Variants in CPLANE1 observed in about 807,000 individuals in gnomAD.
The protein encoded by CPLANE1 is ciliogenesis and planar polarity effector complex subunit 1.
Under a neutral mutation model 362.5 loss-of-function variants are expected in CPLANE1, and 263 were observed. The observed-to-expected ratio is 0.73, with a 90% CI of 0.66 to 0.80. CPLANE1 has a LOEUF of 0.80. CPLANE1 is among the 30% of genes least tolerant of loss of function. CPLANE1 has a pLI of 0.00. For missense variants in CPLANE1, 3,461 were observed against 3,793.4 expected (o/e 0.91, Z 2.30); for synonymous variants, 1,212 against 1,302.6 (o/e 0.93, Z 1.50).
chr5:37,118,276 C>A (rs909117583), intron 50 of CPLANE1, among the ~76,000 whole-genome samples: 2 of 151,706 alleles, frequency 1.3e-5, no homozygotes, highest in African/African-American at 2.4e-5. Context: ...CATGGTGGCA[C>A]ACGCCTATAA....
At chr5:37,096,184 A>G in the CPLANE1 span, among the ~76,000 whole-genome samples, 1 of 152,212 alleles carries the variant, frequency 6.6e-6, no homozygotes, top group Non-Finnish European at 1.5e-5. Flanking sequence ...ACTATACTAT[A>G]AGGCCATAGC....
chr5:37,224,392 A>C, intron 13 of CPLANE1, 59 bp from the exon 14 acceptor site: 1 of 1,367,720 alleles, frequency 7.3e-7, no homozygotes, highest in Non-Finnish European at 1.0e-6. Context: ...ATAAAAATTT[A>C]CTTTGTTTTA....
chr5:37,114,173 G>A (rs896912475), intron 51 of CPLANE1, among the ~76,000 whole-genome samples: 1 of 152,128 alleles, frequency 6.6e-6, no homozygotes, highest in Non-Finnish European at 1.5e-5. Context: ...TTTCAATGGG[G>A]ATAACTGCAC....
intron 21 of CPLANE1, among the ~76,000 whole-genome samples, chr5:37,192,846 A>G (rs1402429945): frequency 8.4e-6 from 1 of 118,378 alleles, no homozygotes; most frequent in African/African-American, 3.4e-5. Context: ...ACAGAGCTAG[A>G]CTCCATCAAA....
intron 16 of CPLANE1, chr5:37,211,120 G>A: frequency 1.8e-6 from 2 of 1,090,816 alleles, no homozygotes; most frequent in Non-Finnish European, 2.8e-6. Context: ...GGTGAGATAA[G>A]TGGGGATTTC....
chr5:37,161,853 A>C (rs1776928578), intron 38 of CPLANE1, among the ~76,000 whole-genome samples: 1 of 152,248 alleles, frequency 6.6e-6, no homozygotes, highest in Non-Finnish European at 1.5e-5. Context: ...CAATGATTAC[A>C]TTTTTAAAAC....
chr5:37,232,615 T>C (rs1797960350), intron 8 of CPLANE1, among the ~76,000 whole-genome samples: 2 of 148,794 alleles, frequency 1.3e-5, no homozygotes, highest in Admixed American at 6.7e-5. Flanking sequence ...GGTGGGAGAA[T>C]TGCATAAGGT....
In CPLANE1 at chr5:37,245,656, T is replaced by TA. The variant is rs1054022527; in HGVS notation, c.217+53dup. 1.3e-5 allele frequency: 19 copies of TA among 1,481,764 alleles called. No homozygotes were observed. The African/African-American group carries it at 2.3e-4, about 18-fold the overall frequency. 91.8% of individuals were successfully genotyped at this position (1,481,764 alleles called of 1,614,324 possible). A position where few individuals can be genotyped will look rare whatever the true frequency, so the allele number is the denominator to read the frequency against. Reference sequence around the variant, plus strand: ...TCTAGTATTTCCTTTAACATCACCCTAAGTTATTAAAAAATATAGTTTTAG... The same window carrying TA: ...TCTAGTATTTCCTTTAACATCACCCTAAAGTTATTAAAAAATATAGTTTTAG... On this transcript the variant is annotated intron_variant, in intron 3 of 52. Coordinates refer to ENST00000651892, the MANE Select transcript of CPLANE1 (RefSeq NM_001384732.1).
chr5:37,179,499 C>G, intron 28 of CPLANE1, 56 bp from the exon 29 acceptor site: 1 of 1,107,704 alleles, frequency 9.0e-7, no homozygotes, highest in Non-Finnish European at 1.4e-6. Context: ...AAGCTATTGA[C>G]TTTTTAGGGG....
Position 37,198,719 on chromosome 5 carries a change from T to C in CPLANE1, c.3655A>G (p.Arg1219Gly), listed in dbSNP as rs748487179. The C allele has an allele frequency of 6.2e-7, 1 of 1,613,680 alleles. No individual in the cohort carries two copies. Among genetic ancestry groups the C allele is most frequent in the Non-Finnish European group, 8.5e-7 (1 of 1,179,846 alleles). ...QWYILQLRWA[R>G]KVMQKIRMKG... ...TTCCATACCTTCTGCATGACTTTTCTTGCCCACCTCAACTGCAATATATAC... is the reference window on the plus strand; with the variant it reads ...TTCCATACCTTCTGCATGACTTTTCCTGCCCACCTCAACTGCAATATATAC... Residue 1219 changes from arginine to glycine, a missense_variant, in exon 20 of 53, where the codon AGA becomes GGA. By Grantham distance (125) the Arg-to-Gly change is moderately radical (BLOSUM62 -2). Coordinates refer to ENST00000651892, the MANE Select transcript of CPLANE1 (RefSeq NM_001384732.1).
chr5:37,104,319 T>C (rs1430997945), downstream of CPLANE1, among the ~76,000 whole-genome samples: 1 of 152,132 alleles, frequency 6.6e-6, no homozygotes, highest in Non-Finnish European at 1.5e-5. Context: ...TGCTCCAGGA[T>C]AGGCGTGGTG....
chr5:37,224,445 C>T, intron 13 of CPLANE1, 87 bp downstream of exon 13: 1 of 1,300,262 alleles, frequency 7.7e-7, no homozygotes, highest in Non-Finnish European at 1.1e-6. Context: ...TTTTGAAAAA[C>T]AAATCATTAC....
chr5:37,118,800 G>A (rs1224099727), intron 50 of CPLANE1, among the ~76,000 whole-genome samples: 1 of 150,188 alleles, frequency 6.7e-6, no homozygotes, highest in Non-Finnish European at 1.5e-5. Context: ...TGCAACCTCC[G>A]CCTCCTGGGT....
chr5:37,160,984 T>G (rs1486149153), intron 38 of CPLANE1, among the ~76,000 whole-genome samples: 1 of 152,196 alleles, frequency 6.6e-6, no homozygotes, highest in Non-Finnish European at 1.5e-5. Flanking sequence ...AATTACTTTT[T>G]TTGACCTATC....
intron 41 of CPLANE1, among the ~76,000 whole-genome samples, chr5:37,155,316 T>C (rs1433876673): frequency 6.6e-6 from 1 of 152,224 alleles, no homozygotes; most frequent in Non-Finnish European, 1.5e-5. Flanking sequence ...CTCTTGCTAT[T>C]TCTTTAAACG....
chr5:37,079,401 AGTTT>A, the CPLANE1 span, among the ~76,000 whole-genome samples: 25 of 152,110 alleles, frequency 1.6e-4, no homozygotes, highest in African/African-American at 6.0e-4. Context: ...AATATTAATT[AGTTT>A]ATTTTTACTT....
chr5:37,084,869 C>T, the CPLANE1 span, among the ~76,000 whole-genome samples: 1 of 151,618 alleles, frequency 6.6e-6, no homozygotes, highest in African/African-American at 2.4e-5. Flanking sequence ...AAGAGACTCA[C>T]CTAACACATA....
chr5:37,221,521 T>C (rs1203860189), intron 14 of CPLANE1, 33 bp from the exon 15 acceptor site: 2 of 1,430,492 alleles, frequency 1.4e-6, no homozygotes, highest in South Asian at 1.6e-5. Context: ...CTTAAAAGTA[T>C]GTAAGCAAAG....
chr5:37,194,056 G>A (rs922213515), intron 21 of CPLANE1, among the ~76,000 whole-genome samples: 3 of 151,798 alleles, frequency 2.0e-5, no homozygotes, highest in African/African-American at 7.3e-5. Flanking sequence ...CGAGTAGCTG[G>A]GATTACAGGT....
Sources: gnomAD v4.1 joint callset for allele counts (sites outside exome capture counted in the v4.1 genomes callset) on GRCh38, gnomAD v4.1.1 for gene constraint, MANE v1.5 for transcripts, NCBI Gene and HGNC (gene_info 2026-07-23, HGNC 2026-07-21) for gene names.